Variants in MYH13 observed in about 807,000 individuals in gnomAD.
The protein encoded by MYH13 is myosin heavy chain 13.
MYH13 carries 177 observed loss-of-function variants against 232.1 expected under a neutral mutation model. The observed-to-expected ratio is 0.76, with a 90% confidence interval of 0.67 to 0.86. MYH13 has a LOEUF of 0.86. MYH13 is among the 40% of genes least tolerant of loss of function. The pLI is 0.00. For missense variants in MYH13, 2,246 were observed against 2,405.9 expected, an observed-to-expected ratio of 0.93 and a Z score of 1.39; for synonymous variants, 884 against 923.5, an observed-to-expected ratio of 0.96 and a Z score of 0.78.
At position 10,303,199 on chromosome 17, in the gene MYH13, C is replaced by G; in HGVS notation, c.5664G>C (p.Glu1888Asp). The change falls in exon 39 of 41, where the codon GAG (glutamate) becomes GAC (aspartate). Residue 1888 changes from glutamate to aspartate, a missense_variant. Physicochemically the swap from Glu to Asp is conservative, Grantham distance 45. Transcript: ENST00000252172. Reference protein sequence around the residue: ...KVKSYKRQAEEAEEQANTQLS... With the variant: ...KVKSYKRQAEDAEEQANTQLS... ...GCCGGGGACCTCCTGTGCTTACCGC[C>G]TCCTCAGCCTGCCTCTTGTAAGACT... The G allele has an allele frequency of 6.2e-7, 1 of 1,612,776 alleles. No homozygotes were observed. Among genetic ancestry groups the G allele is most frequent in the Non-Finnish European group, 8.5e-7 (1 of 1,179,956 alleles).
chr17:10,301,961 G>A (rs1053353229), intron 39 of MYH13, among the ~76,000 whole-genome samples: 39 of 152,200 alleles, frequency 2.6e-4, no homozygotes, highest in African/African-American at 8.4e-4. Context: ...CTTCTATATG[G>A]TATCTGCTCC....
intron 37 of MYH13, 78 bp from the exon 38 acceptor site, chr17:10,303,576 T>A: frequency 8.0e-7 from 1 of 1,252,170 alleles, no homozygotes; most frequent in Non-Finnish European, 1.2e-6. Flanking sequence ...CCAATCATTC[T>A]AGAGTGAACT....
intron 39 of MYH13, among the ~76,000 whole-genome samples, chr17:10,302,408 G>T (rs1226387789): frequency 1.3e-5 from 2 of 152,158 alleles, no homozygotes; most frequent in Non-Finnish European, 2.9e-5. Context: ...AGTCAATGAA[G>T]AGTGAGAAAT....
intron 8 of MYH13, among the ~76,000 whole-genome samples, chr17:10,357,389 T>C (rs1472607370): frequency 6.6e-6 from 1 of 152,208 alleles, no homozygotes; most frequent in South Asian, 2.1e-4. Context: ...CCAATAGATA[T>C]GGCTTAATGG....
intron 2 of MYH13, among the ~76,000 whole-genome samples, chr17:10,367,778 G>A (rs1045849722): frequency 1.3e-5 from 2 of 152,134 alleles, no homozygotes; most frequent in African/African-American, 4.8e-5. Flanking sequence ...TCTCATATCT[G>A]CTTCTGTATT....
Position 10,326,981 on chromosome 17 carries a change from GTTTTTTTT to G in MYH13, c.2691+877_2691+884del, listed in dbSNP as rs61543278. Among the ~76,000 whole-genome samples the G allele has an allele frequency of 4.7e-4, 26 of 55,830 alleles. 6 individuals are homozygous for G. The highest frequency in any genetic ancestry group is 1.4e-3 in the Admixed American group (5 of 3,494). The allele number at this position is 55,830 out of a possible 152,430, so 36.6% of individuals were successfully genotyped here. ...GAGACATGCACCACCATGCCTACTA[GTTTTTTTT>G]TTTTTTTTTTTTTTTTTTTTTTTTT... On this transcript the variant is annotated intron_variant, in intron 22 of 40. Coordinates refer to ENST00000252172, the MANE Select transcript of MYH13 (RefSeq NM_003802.3).
intron 16 of MYH13, among the ~76,000 whole-genome samples, chr17:10,342,419 A>G (rs969479943): frequency 6.6e-6 from 1 of 152,118 alleles, no homozygotes; most frequent in Non-Finnish European, 1.5e-5. Flanking sequence ...CACAGTTATC[A>G]TATGACCCAG....
At chr17:10,356,582 G>C (rs1367827761) in intron 8 of MYH13, among the ~76,000 whole-genome samples, 8 of 152,192 alleles carry the variant, frequency 5.3e-5, no homozygotes, top group Admixed American at 5.2e-4. Context: ...CACTGGGGAG[G>C]ATACAGGTGC....
intron 24 of MYH13, 34 bp from the exon 25 acceptor site, chr17:10,320,530 T>A (rs776641348): frequency 1.3e-6 from 2 of 1,596,712 alleles, no homozygotes; most frequent in Admixed American, 3.5e-5. Context: ...ATTAAGCCCC[T>A]GCTGGGGAAG....
rs374269997 is a variant in MYH13 at position 10,364,408 on chromosome 17, C to A, written c.123G>T (p.Ala41=). 6.2e-7 allele frequency: 1 copy of A among 1,613,770 alleles called. No homozygotes were observed. The highest frequency in any genetic ancestry group is 1.7e-5 in the Admixed American group (1 of 60,014). The change falls in exon 3 of 41, where the codon GCG becomes GCT. Residue 41 remains alanine (A), a synonymous_variant. Coordinates refer to ENST00000252172, the MANE Select transcript of MYH13 (RefSeq NM_003802.3). ...CTTTCACATACATTTCCTTATTATCCGCTACAAAGCAGGCTTTCTTGGAAT... is the reference window on the plus strand; with the variant it reads ...CTTTCACATACATTTCCTTATTATCAGCTACAAAGCAGGCTTTCTTGGAAT... The part of the protein sequence containing the change: ...PFDSKKACFV[A]DNKEMYVKGM...
chr17:10,353,890 AAAG>A (rs1228303899), intron 11 of MYH13, among the ~76,000 whole-genome samples: 3 of 150,752 alleles, frequency 2.0e-5, no homozygotes, highest in African/African-American at 7.3e-5. Flanking sequence ...AAAGAAAAGA[AAAG>A]AAGAGAAGAA....
intron 18 of MYH13, among the ~76,000 whole-genome samples, chr17:10,337,268 C>T (rs1466416252): frequency 6.6e-6 from 1 of 152,144 alleles, no homozygotes; most frequent in Non-Finnish European, 1.5e-5. Context: ...CATCCCTTAA[C>T]AATAATAAAA....
chr17:10,310,952 G>C (rs1028029006), intron 33 of MYH13, 151 bp downstream of exon 33: 4 of 884,428 alleles, frequency 4.5e-6, no homozygotes, highest in Admixed American at 2.5e-5. Flanking sequence ...GTAGCAGCCC[G>C]TGGATGTTTC....
At chr17:10,315,512 T>C (rs1597886829) in intron 29 of MYH13, among the ~76,000 whole-genome samples, 181 bp downstream of exon 29, 1 of 152,244 alleles carries the variant, frequency 6.6e-6, no homozygotes, top group Non-Finnish European at 1.5e-5. Flanking sequence ...GCCAGGCTGG[T>C]CTTGAACTCC....
chr17:10,366,331 A>ACG (rs1242302955), intron 2 of MYH13, among the ~76,000 whole-genome samples: 13 of 150,434 alleles, frequency 8.6e-5, no homozygotes, highest in African/African-American at 3.2e-4. Flanking sequence ...ATACACACAC[A>ACG]CACGCACACC....
rs1262627806 is a variant in MYH13, at chr17:10,327,990, A to G, written c.2567T>C (p.Met856Thr). The G allele has an allele frequency of 6.2e-7, 1 of 1,614,066 alleles. No homozygotes were observed. The highest frequency in any genetic ancestry group is 2.2e-5 in the East Asian group (1 of 44,876). Reference protein sequence around the residue: ...SAEAEKEMATMKEDFERTKEE... With the variant: ...SAEAEKEMATTKEDFERTKEE... Reference sequence around the variant, plus strand: ...CTTGGTCCTCTCAAAGTCTTCCTTCATGGTGGCCATCTCCTTCTCGGCCTC... The same window carrying G: ...CTTGGTCCTCTCAAAGTCTTCCTTCGTGGTGGCCATCTCCTTCTCGGCCTC... Residue 856 changes from methionine to threonine, a missense_variant, in exon 22 of 41, where the codon ATG becomes ACG. Transcript: ENST00000252172.
Position 10,306,259 on chromosome 17 carries a change from T to TGTGTGTGTGTGTGG in MYH13, c.5466+199_5466+200insCCACACACACACAC, listed in dbSNP as rs1567654637. Among the ~76,000 whole-genome samples, 1 of 150,638 alleles carries TGTGTGTGTGTGTGG rather than the reference T, an allele frequency of 6.6e-6. No individual in the cohort carries two copies. The highest frequency in any genetic ancestry group is 1.5e-5 in the Non-Finnish European group (1 of 67,552). On this transcript the variant is annotated intron_variant, in intron 37 of 40. Coordinates refer to ENST00000252172, the MANE Select transcript of MYH13 (RefSeq NM_003802.3). The surrounding 1 kb of genome is among the most constrained non-coding windows in gnomAD (Gnocchi z 4.3). ...GTGTGTGTGTGTGTGTGTGTGTGTG[T>TGTGTGTGTGTGTGG]GTGTGTGTGTTTTGGGGCATAGGAA... is the stretch of plus-strand genomic sequence containing the variant.
In MYH13 at chr17:10,322,672, C is replaced by T. The variant is rs187854160; in HGVS notation, c.2935-964G>A. ...TTTTTGAGAGGGAGTCTCACTCTGTCGCCCAGGCTGGAGTGCAGTGGCGCA... is the reference window on the plus strand; with the variant it reads ...TTTTTGAGAGGGAGTCTCACTCTGTTGCCCAGGCTGGAGTGCAGTGGCGCA... On this transcript the variant is annotated intron_variant, in intron 23 of 40. Coordinates refer to ENST00000252172, the MANE Select transcript of MYH13 (RefSeq NM_003802.3). Among the ~76,000 whole-genome samples, 173 of 132,244 alleles carry T rather than the reference C, an allele frequency of 1.3e-3. No homozygotes were observed. The South Asian group carries it at 0.014, about 11-fold the overall frequency. The allele number at this position is 132,244 out of a possible 152,430, so 86.8% of individuals were successfully genotyped here.
rs1408118112 is a variant in MYH13 at position 10,306,991 on chromosome 17, G to A, written c.5243C>T (p.Ser1748Leu). The A allele has an allele frequency of 9.3e-6, 15 of 1,613,844 alleles. No homozygotes were observed. The highest frequency in any genetic ancestry group is 6.7e-5 in the East Asian group (3 of 44,902). ...IAQCQAEVEN[S>L]IQESRNAEEK... Reference sequence around the variant, plus strand: ...CTCTGCGTTCCTGGACTCCTGGATCGAGTTCTCCACCTCTGCCTGGCACTG... The same window carrying A: ...CTCTGCGTTCCTGGACTCCTGGATCAAGTTCTCCACCTCTGCCTGGCACTG... Residue 1748 changes from serine (S) to leucine (L), a missense_variant, in exon 36 of 41, where the codon TCG (serine) becomes TTG (leucine). Ser to Leu is a moderately radical substitution (Grantham distance 145). Transcript: ENST00000252172. The surrounding 1 kb of genome is among the most constrained non-coding windows in gnomAD (Gnocchi z 4.3).
Sources: gnomAD v4.1 joint callset for allele counts (sites outside exome capture counted in the v4.1 genomes callset) on GRCh38, gnomAD v4.1.1 for gene constraint, Gnocchi (gnomAD v3.1) non-coding constraint, MANE v1.5 for transcripts, NCBI Gene and HGNC (gene_info 2026-07-23, HGNC 2026-07-21) for gene names.